CRYZL1: variants seen among roughly 807,000 people sequenced by gnomAD.
CRYZL1 encodes the protein crystallin zeta like 1, also known as ferry endosomal RAB5 effector complex subunit 4.
A neutral mutation model predicts 50.6 loss-of-function variants in CRYZL1; 34 were observed. The observed-to-expected ratio is 0.67, with a 90% CI of 0.51 to 0.89. CRYZL1 has a LOEUF of 0.89. Ranked by LOEUF, CRYZL1 falls within the 40% of genes least tolerant of loss-of-function variation. The pLI, the probability that CRYZL1 is intolerant of heterozygous loss-of-function variation, is 0.00. For synonymous variants in CRYZL1, 125 were observed against 134.3 expected, an observed-to-expected ratio of 0.93 and a Z score of 0.48; for missense variants, 354 against 402.3, an observed-to-expected ratio of 0.88 and a Z score of 1.03.
chr21:33,641,118 G>T, intron 1 of CRYZL1: 1 of 1,547,050 alleles, frequency 6.5e-7, no homozygotes, highest in Non-Finnish European at 8.7e-7. Context: ...CAGCACCTGG[G>T]AGCTTCTTAG....
chr21:33,589,919 G>A lies in CRYZL1; in HGVS notation c.953C>T (p.Pro318Leu). The A allele has an allele frequency of 6.4e-7, 1 of 1,566,100 alleles. No homozygotes were observed. The highest frequency in any genetic ancestry group is 8.7e-7 in the Non-Finnish European group (1 of 1,145,442). Residue 318 changes from proline to leucine, a missense_variant and splice_region_variant, in exon 13 of 13, where the codon CCT becomes CTT. Coordinates refer to ENST00000381554, the MANE Select transcript of CRYZL1 (RefSeq NM_145858.3). ...CAGTGGAATGGGTTCATCCAACTGAGGTCTGAGAAGGAATGAAATTAGAAA... is the reference window on the plus strand; with the variant it reads ...CAGTGGAATGGGTTCATCCAACTGAAGTCTGAGAAGGAATGAAATTAGAAA... ...MEKLSTGVFR[P>L]QLDEPIPLYE...
chr21:33,602,563 T>A (rs2086767903), intron 7 of CRYZL1, among the ~76,000 whole-genome samples: 1 of 152,218 alleles, frequency 6.6e-6, no homozygotes, highest in South Asian at 2.1e-4. Context: ...AAAAGCTGCA[T>A]GTCACACGCT....
chr21:33,636,584 A>G (rs1455319418), intron 1 of CRYZL1, among the ~76,000 whole-genome samples: 8 of 152,214 alleles, frequency 5.3e-5, no homozygotes, highest in African/African-American at 1.4e-4. Context: ...AATTAAGGAG[A>G]TAATACCAAT....
chr21:33,635,772 A>G (rs891220031), intron 1 of CRYZL1, among the ~76,000 whole-genome samples: 1 of 151,992 alleles, frequency 6.6e-6, no homozygotes, highest in Non-Finnish European at 1.5e-5. Context: ...CATGAGGTCA[A>G]TAGATACAGA....
chr21:33,637,565 C>T (rs2087223596), intron 1 of CRYZL1, among the ~76,000 whole-genome samples: 1 of 151,740 alleles, frequency 6.6e-6, no homozygotes, highest in African/African-American at 2.4e-5. Flanking sequence ...TTCAACTCAT[C>T]TATTCCCCTA....
intron 1 of CRYZL1, among the ~76,000 whole-genome samples, chr21:33,637,407 T>C (rs2087220928): frequency 1.4e-5 from 2 of 146,834 alleles, no homozygotes; most frequent in South Asian, 2.2e-4. Context: ...ATCGCGCCAC[T>C]GCACTCCAGC....
chr21:33,632,478 A>G (rs938245715), intron 1 of CRYZL1, among the ~76,000 whole-genome samples: 1 of 151,852 alleles, frequency 6.6e-6, no homozygotes, highest in Non-Finnish European at 1.5e-5. Flanking sequence ...CCCAGGTTCA[A>G]GCGATCCGCC....
At chr21:33,634,902 TATA>T (rs1568800861) in intron 1 of CRYZL1, among the ~76,000 whole-genome samples, 1 of 136,794 alleles carries the variant, frequency 7.3e-6, no homozygotes. Flanking sequence ...TATATATATA[TATA>T]AAATAATGGC....
At chr21:33,626,759 T>C (rs1204445082) in intron 2 of CRYZL1, among the ~76,000 whole-genome samples, 2 of 150,934 alleles carry the variant, frequency 1.3e-5, no homozygotes, top group Admixed American at 6.6e-5. Flanking sequence ...ATTCAGACAC[T>C]CAATGTCATC....
rs1288664906 is a variant in CRYZL1, at chr21:33,595,699, C to A, written c.904+32G>T. The A allele has an allele frequency of 1.9e-6, 3 of 1,611,730 alleles. No homozygotes were observed. In the East Asian group the frequency reaches 6.7e-5, roughly 36 times the overall value. ...AACTTAGTACAGTACAAAGTTCAAG[C>A]CAGAAACTCAATCAGTCGATAAAAA... is the stretch of plus-strand genomic sequence containing the variant. On this transcript the variant is annotated intron_variant, in intron 11 of 12. Coordinates refer to ENST00000381554, the MANE Select transcript of CRYZL1 (RefSeq NM_145858.3).
chr21:33,634,012 G>T (rs1229765448), intron 1 of CRYZL1, among the ~76,000 whole-genome samples: 5 of 152,160 alleles, frequency 3.3e-5, no homozygotes, highest in African/African-American at 9.7e-5. Context: ...TGGTTTCTCG[G>T]ACGTGATAAT....
At chr21:33,600,607 CT>C (rs1202144155) in intron 8 of CRYZL1, among the ~76,000 whole-genome samples, 1 of 149,344 alleles carries the variant, frequency 6.7e-6, no homozygotes. Flanking sequence ...CGTTCATGTT[CT>C]TTTTTTTAAT....
chr21:33,633,964 TAA>T (rs963699439), intron 1 of CRYZL1, among the ~76,000 whole-genome samples: 1 of 152,206 alleles, frequency 6.6e-6, no homozygotes, highest in East Asian at 1.9e-4. Context: ...TCCAAATACG[TAA>T]AGAGTTTTTA....
intron 1 of CRYZL1, 136 bp from the exon 2 acceptor site, chr21:33,631,693 A>G (rs1394080473): frequency 2.1e-6 from 1 of 472,240 alleles, no homozygotes; most frequent in South Asian, 5.5e-5. Flanking sequence ...AATTTAAAAA[A>G]TCTTTCACAA....
intron 2 of CRYZL1, among the ~76,000 whole-genome samples, chr21:33,628,957 C>T (rs898677244): frequency 5.9e-5 from 9 of 151,620 alleles, no homozygotes; most frequent in African/African-American, 9.7e-5. Context: ...CGGCCAGGCG[C>T]GGTGGCTCAC....
At chr21:33,632,069 T>TC (rs2087144055) in intron 1 of CRYZL1, among the ~76,000 whole-genome samples, 1 of 149,884 alleles carries the variant, frequency 6.7e-6, no homozygotes, top group African/African-American at 2.5e-5. Flanking sequence ...ACGCCTGTAA[T>TC]CCCAGCACTT....
chr21:33,604,165 A>C (rs1397668904), intron 6 of CRYZL1, among the ~76,000 whole-genome samples: 12 of 151,634 alleles, frequency 7.9e-5, no homozygotes, highest in Non-Finnish European at 1.8e-4. Context: ...CAGGAGATCG[A>C]GACCACGGTG....
intron 9 of CRYZL1, among the ~76,000 whole-genome samples, chr21:33,597,955 A>G (rs1333844668): frequency 1.3e-5 from 2 of 152,218 alleles, no homozygotes; most frequent in African/African-American, 4.8e-5. Context: ...TATTTTTCTT[A>G]GAAAAAGCAA....
chr21:33,605,221 C>T (rs1215489371), intron 6 of CRYZL1, among the ~76,000 whole-genome samples: 1 of 152,036 alleles, frequency 6.6e-6, no homozygotes, highest in Non-Finnish European at 1.5e-5. Flanking sequence ...CTAGAGAAGT[C>T]ATTTGTTCAT....
Sources: gnomAD v4.1 joint callset for allele counts (sites outside exome capture counted in the v4.1 genomes callset) on GRCh38, gnomAD v4.1.1 for gene constraint, MANE v1.5 for transcripts, NCBI Gene and HGNC (gene_info 2026-07-23, HGNC 2026-07-21) for gene names.